Variants in NMNAT2 observed in about 807,000 individuals in gnomAD.
The protein encoded by NMNAT2 is nicotinamide/nicotinic acid mononucleotide adenylyltransferase 2.
A neutral mutation model predicts 41.6 loss-of-function variants in NMNAT2; 11 were observed. The observed-to-expected ratio is 0.26, with a 90% CI of 0.17 to 0.44. The LOEUF (loss-of-function observed/expected upper bound fraction) is 0.44. Ranked by LOEUF, NMNAT2 falls within the 20% of genes least tolerant of loss-of-function variation. The probability of loss-of-function intolerance (pLI) is 1.00; values close to 1 mark genes in which losing one functional copy is unlikely to be tolerated. For missense variants in NMNAT2, 288 were observed against 407.7 expected (o/e 0.71, Z 2.53); for synonymous variants, 148 against 151.2 (o/e 0.98, Z 0.16).
At chr1:183,363,579 T>TATAC (rs1553218836) in intron 1 of NMNAT2, among the ~76,000 whole-genome samples, 7 of 147,588 alleles carry the variant, frequency 4.7e-5, no homozygotes, top group Non-Finnish European at 7.5e-5. Flanking sequence ...CACACACACA[T>TATAC]ACACACACAC....
chr1:183,252,423 C>T lies in NMNAT2; in HGVS notation c.*218G>A. On this transcript the variant is annotated 3_prime_UTR_variant, in exon 11 of 11. Transcript: ENST00000287713. Reference sequence around the variant, plus strand: ...CCCCGACTCCCACCCCATTCCCTCACCCACCCCCAACCCGGAGACTAGAGG... The same window carrying T: ...CCCCGACTCCCACCCCATTCCCTCATCCACCCCCAACCCGGAGACTAGAGG... The T allele has an allele frequency of 5.0e-6, 2 of 402,602 alleles. No individual in the cohort carries two copies. Among genetic ancestry groups the T allele is most frequent in the South Asian group, 2.2e-5 (1 of 46,482 alleles). The allele number at this position is 402,602 out of a possible 1,614,324, so 24.9% of individuals were successfully genotyped here. A position where few individuals can be genotyped will look rare whatever the true frequency, so the allele number is the denominator to read the frequency against.
In NMNAT2 at chr1:183,249,663, T is replaced by G. The variant is rs1000355533; in HGVS notation, c.*2978A>C. 2 of 147,860 alleles carry G rather than the reference T, an allele frequency of 1.4e-5. No homozygotes were observed. Among genetic ancestry groups the G allele is most frequent in the Non-Finnish European group, 2.9e-5 (2 of 68,534 alleles). 9.2% of individuals were successfully genotyped at this position (147,860 alleles called of 1,614,324 possible). The stretch of plus-strand genomic sequence containing the variant: ...ATTTAGTTGTGCTGTGACCTTCCCC[T>G]AGCAAATGAAGAGTAGGGCGTGTGT... On this transcript the variant is annotated 3_prime_UTR_variant, in exon 11 of 11. Coordinates refer to ENST00000287713, the MANE Select transcript of NMNAT2 (RefSeq NM_015039.4).
At chr1:183,413,630 G>A (rs1375907012) in intron 1 of NMNAT2, among the ~76,000 whole-genome samples, 1 of 134,420 alleles carries the variant, frequency 7.4e-6, no homozygotes, top group Non-Finnish European at 1.5e-5. Flanking sequence ...TTTTTGAGAC[G>A]GAGTCTCGCT....
chr1:183,326,375 C>CAAA (rs58330585), intron 1 of NMNAT2, among the ~76,000 whole-genome samples: 1 of 69,150 alleles, frequency 1.4e-5, no homozygotes, highest in Non-Finnish European at 2.5e-5. Context: ...GACTCCATCT[C>CAAA]AAAAAAAAAA....
At chr1:183,306,553 G>A (rs1439204864) in intron 1 of NMNAT2, among the ~76,000 whole-genome samples, 1 of 152,064 alleles carries the variant, frequency 6.6e-6, no homozygotes, top group Admixed American at 6.5e-5. Context: ...CTCAATTACT[G>A]CATTGAGTGG....
chr1:183,353,622 T>A (rs1663115411), intron 1 of NMNAT2, among the ~76,000 whole-genome samples: 1 of 152,160 alleles, frequency 6.6e-6, no homozygotes, highest in African/African-American at 2.4e-5. Context: ...CTCTGCCAAA[T>A]GCCCAGGACC....
chr1:183,292,536 C>G (rs1314309886), intron 3 of NMNAT2, among the ~76,000 whole-genome samples: 1 of 152,238 alleles, frequency 6.6e-6, no homozygotes, highest in East Asian at 1.9e-4. Context: ...AGAATCATGC[C>G]AGGATTCAGA....
chr1:183,321,964 A>G (rs764312487), intron 1 of NMNAT2, among the ~76,000 whole-genome samples: 47 of 151,872 alleles, frequency 3.1e-4, no homozygotes, highest in Non-Finnish European at 5.3e-4. Flanking sequence ...AGCCACAGGC[A>G]TGTTCCACCA....
chr1:183,389,515 G>A (rs1025847909), intron 1 of NMNAT2, among the ~76,000 whole-genome samples: 1 of 151,692 alleles, frequency 6.6e-6, no homozygotes, highest in Non-Finnish European at 1.5e-5. Flanking sequence ...ACTTGACAGG[G>A]CTGTTTTGAG....
intron 1 of NMNAT2, among the ~76,000 whole-genome samples, chr1:183,367,223 C>T (rs981707415): frequency 1.3e-5 from 2 of 152,164 alleles, no homozygotes; most frequent in African/African-American, 4.8e-5. Context: ...CTTTGGGAGG[C>T]TGAGGCGGGC....
At chr1:183,276,670 C>G (rs1661131010) in intron 8 of NMNAT2, among the ~76,000 whole-genome samples, 1 of 152,240 alleles carries the variant, frequency 6.6e-6, no homozygotes, top group African/African-American at 2.4e-5. Flanking sequence ...CCTCTAAATT[C>G]CTCCAGGACG....
At chr1:183,397,385 C>T (rs1198762957) in intron 1 of NMNAT2, among the ~76,000 whole-genome samples, 1 of 152,090 alleles carries the variant, frequency 6.6e-6, no homozygotes, top group East Asian at 1.9e-4. Context: ...AAGAAATGAA[C>T]AAAGCCTCCA....
chr1:183,399,427 A>C (rs1254671801), intron 1 of NMNAT2, among the ~76,000 whole-genome samples: 1 of 152,202 alleles, frequency 6.6e-6, no homozygotes, highest in Non-Finnish European at 1.5e-5. Context: ...TTAATAGCCT[A>C]CCAACCAAAA....
intron 1 of NMNAT2, among the ~76,000 whole-genome samples, chr1:183,299,681 TAAG>T (rs1661798063): frequency 6.6e-6 from 1 of 151,106 alleles, no homozygotes; most frequent in Non-Finnish European, 1.5e-5. Flanking sequence ...TTAAAGGTGT[TAAG>T]AAGATTAATG....
At chr1:183,274,766 T>TAAAAAAAAA (rs34658876) in intron 8 of NMNAT2, among the ~76,000 whole-genome samples, 3 of 125,262 alleles carry the variant, frequency 2.4e-5, no homozygotes, top group Non-Finnish European at 5.1e-5. Context: ...ACCTTGTCTC[T>TAAAAAAAAA]AAAAAAAAAA....
rs535519117 is a variant in NMNAT2, at chr1:183,302,437, A to C, written c.86-8644T>G. On this transcript the variant is annotated intron_variant, in intron 1 of 10. Coordinates refer to ENST00000287713, the MANE Select transcript of NMNAT2 (RefSeq NM_015039.4). ...AAGCTAGAATCCAACAGCAGAGAAGAGGAAGGTGTTATTAACTTTGTCTTT... is the reference window on the plus strand; with the variant it reads ...AAGCTAGAATCCAACAGCAGAGAAGCGGAAGGTGTTATTAACTTTGTCTTT... Among the ~76,000 whole-genome samples, 88 of 152,324 alleles carry C rather than the reference A, an allele frequency of 5.8e-4. 1 individual carries two copies. In the South Asian group the frequency reaches 0.017, roughly 29 times the overall value.
At chr1:183,345,671 A>G (rs895544829) in intron 1 of NMNAT2, among the ~76,000 whole-genome samples, 3 of 148,026 alleles carry the variant, frequency 2.0e-5, no homozygotes, top group African/African-American at 4.9e-5. Context: ...CATAACTACA[A>G]GAAATAATAT....
rs908024547 is a variant in NMNAT2, at chr1:183,251,512, T to A, written c.*1129A>T. 3 of 152,372 alleles carry A rather than the reference T, an allele frequency of 2.0e-5. No homozygotes were observed. Among genetic ancestry groups the A allele is most frequent in the African/African-American group, 7.2e-5 (3 of 41,426 alleles). 9.4% of individuals were successfully genotyped at this position (152,372 alleles called of 1,614,324 possible). On this transcript the variant is annotated 3_prime_UTR_variant, in exon 11 of 11. Transcript: ENST00000287713. The stretch of plus-strand genomic sequence containing the variant: ...GACTCCTAGTGTTTTTTTGTTTTGT[T>A]TTGTTTTTTTATGACACGACTGCAC...
intron 10 of NMNAT2, among the ~76,000 whole-genome samples, chr1:183,260,531 G>C (rs924184103): frequency 6.6e-6 from 1 of 152,030 alleles, no homozygotes; most frequent in Non-Finnish European, 1.5e-5. Flanking sequence ...AAAGTAAATG[G>C]CTGGGGCCGG....
Sources: allele counts gnomAD v4.1 joint callset (sites outside exome capture counted in the v4.1 genomes callset), GRCh38; gene constraint gnomAD v4.1.1; transcripts MANE v1.5; gene names NCBI Gene and HGNC (gene_info 2026-07-23, HGNC 2026-07-21).